The following CSGALNACT1 variants were observed in gnomAD, a reference collection of about 807,000 sequenced individuals.
The protein encoded by CSGALNACT1 is chondroitin sulfate N-acetylgalactosaminyltransferase 1, also known as beta4GalNAcT-1.
In CSGALNACT1, 52 loss-of-function variants were observed where a neutral mutation model predicts 51.0. The ratio of observed to expected loss-of-function variants is 1.02; its 90% CI spans 0.82 to 1.29. CSGALNACT1 has a LOEUF of 1.29. Among genes scored for constraint, CSGALNACT1 ranks in the 50% most tolerant of loss-of-function variants. CSGALNACT1 has a pLI of 0.00. For missense variants in CSGALNACT1, 935 were observed against 679.2 expected, an observed-to-expected ratio of 1.38 and a Z score of -4.19; for synonymous variants, 341 against 254.4, an observed-to-expected ratio of 1.34 and a Z score of -3.24.
At chr8:19,663,502 C>A (rs1427930998) in intron 1 of CSGALNACT1, among the ~76,000 whole-genome samples, 3 of 152,048 alleles carry the variant, frequency 2.0e-5, no homozygotes, top group Non-Finnish European at 2.9e-5. Context: ...GAGGTTCCTA[C>A]AAGCAACTCT....
At chr8:19,424,300 A>G (rs2058438730) in intron 6 of CSGALNACT1, among the ~76,000 whole-genome samples, 1 of 152,120 alleles carries the variant, frequency 6.6e-6, no homozygotes, top group South Asian at 2.1e-4. Context: ...GGTGGCTGCC[A>G]GGTCATTATG....
At chr8:19,537,138 T>A in intron 3 of CSGALNACT1, among the ~76,000 whole-genome samples, 1 of 152,186 alleles carries the variant, frequency 6.6e-6, no homozygotes, top group East Asian at 1.9e-4. Context: ...AATTCTTTCC[T>A]CATGAGTAAG....
intron 1 of CSGALNACT1, among the ~76,000 whole-genome samples, chr8:19,740,879 A>G (rs1589779297): frequency 6.6e-6 from 1 of 152,216 alleles, no homozygotes. Context: ...ATAAGTTAAA[A>G]TGGATGCACA....
intron 1 of CSGALNACT1, among the ~76,000 whole-genome samples, chr8:19,639,120 A>G (rs973323529): frequency 2.0e-5 from 3 of 152,158 alleles, no homozygotes; most frequent in African/African-American, 4.8e-5. Flanking sequence ...AGCCCCTCTA[A>G]AAGTACAAAA....
intron 3 of CSGALNACT1, among the ~76,000 whole-genome samples, chr8:19,576,516 C>A (rs1763681065): frequency 6.6e-6 from 1 of 151,772 alleles, no homozygotes; most frequent in South Asian, 2.1e-4. Context: ...TCACATGAAC[C>A]TGCTGCAGTG....
chr8:19,689,289 G>A (rs920167191), intron 1 of CSGALNACT1, among the ~76,000 whole-genome samples: 3 of 152,096 alleles, frequency 2.0e-5, no homozygotes, highest in Non-Finnish European at 4.4e-5. Context: ...AGCCCATGGC[G>A]TGTTCTACAT....
upstream of CSGALNACT1, chr8:19,682,785 T>C (rs1297858818): frequency 2.2e-6 from 1 of 453,548 alleles, no homozygotes; most frequent in African/African-American, 2.0e-5. Flanking sequence ...TGAGGTCTGG[T>C]TTTAAGCAGC....
chr8:19,463,049 C>T (rs1324673279), intron 4 of CSGALNACT1, among the ~76,000 whole-genome samples: 1 of 152,170 alleles, frequency 6.6e-6, no homozygotes, highest in Non-Finnish European at 1.5e-5. Flanking sequence ...ATGTTTACCT[C>T]CCACTTACAA....
chr8:19,546,996 C>T (rs2086626888), intron 3 of CSGALNACT1, among the ~76,000 whole-genome samples: 1 of 152,212 alleles, frequency 6.6e-6, no homozygotes, highest in South Asian at 2.1e-4. Context: ...TCTAGAAATA[C>T]CTGACAGTGA....
intron 3 of CSGALNACT1, among the ~76,000 whole-genome samples, chr8:19,557,741 G>C (rs115525475): frequency 7.9e-5 from 12 of 152,046 alleles, no homozygotes; most frequent in African/African-American, 2.9e-4. Flanking sequence ...TTTTCTTCTT[G>C]CCACTTCTTC....
In CSGALNACT1 at chr8:19,623,498, A is replaced by G. The variant is rs1256447740; in HGVS notation, c.-543-21633T>C. On this transcript the variant is annotated intron_variant, in intron 1 of 9. Transcript: ENST00000332246. ...TTTTTAAGAATTGAACAATACTATT[A>G]ACACTCTTCAATACTATATCCACCA... is the stretch of plus-strand genomic sequence containing the variant. 3.3e-5 allele frequency among the ~76,000 whole-genome samples: 5 copies of G among 152,324 alleles called. No homozygotes were observed. In the South Asian group the frequency reaches 1.0e-3, roughly 32 times the overall value.
intron 1 of CSGALNACT1, among the ~76,000 whole-genome samples, chr8:19,655,220 A>T (rs1020483613): frequency 6.6e-6 from 1 of 151,920 alleles, no homozygotes; most frequent in East Asian, 1.9e-4. Context: ...CTGCCAAGCT[A>T]CTCTACACTT....
intron 3 of CSGALNACT1, among the ~76,000 whole-genome samples, chr8:19,520,252 G>A (rs985188248): frequency 6.6e-6 from 1 of 152,172 alleles, no homozygotes; most frequent in African/African-American, 2.4e-5. Context: ...ATCAACCAAG[G>A]CTTCTCTCTT....
Position 19,427,574 on chromosome 8 carries a change from G to T in CSGALNACT1, c.954-7056C>A, listed in dbSNP as rs559006169. Among the ~76,000 whole-genome samples the T allele has an allele frequency of 1.5e-4, 23 of 152,192 alleles. No homozygotes were observed. The East Asian group carries it at 4.1e-3, about 27-fold the overall frequency. ...GAGGCCGAGGCGGGCGGATCACGAG[G>T]TCAGGAGATCGAGACCATCCTGGCT... On this transcript the variant is annotated intron_variant, in intron 6 of 9. Coordinates refer to ENST00000454498, the Ensembl canonical transcript of CSGALNACT1.
At chr8:19,679,713 C>T (rs184693090) in intron 1 of CSGALNACT1, among the ~76,000 whole-genome samples, 4 of 152,282 alleles carry the variant, frequency 2.6e-5, no homozygotes, top group Admixed American at 1.3e-4. Flanking sequence ...CACCAGCTAC[C>T]CACAAACAGG....
intron 1 of CSGALNACT1, among the ~76,000 whole-genome samples, chr8:19,674,994 C>T (rs1039470198): frequency 6.6e-6 from 1 of 152,128 alleles, no homozygotes; most frequent in Non-Finnish European, 1.5e-5. Context: ...CATCTTGAGA[C>T]TCAAAGTTGA....
chr8:19,663,545 G>T (rs996816296), intron 1 of CSGALNACT1, among the ~76,000 whole-genome samples: 2 of 152,180 alleles, frequency 1.3e-5, no homozygotes, highest in African/African-American at 4.8e-5. Context: ...TGCTTCCACA[G>T]GGAAGAAACA....
intron 4 of CSGALNACT1, among the ~76,000 whole-genome samples, chr8:19,462,748 C>T (rs1458572941): frequency 3.3e-5 from 5 of 152,168 alleles, no homozygotes; most frequent in Admixed American, 6.5e-5. Flanking sequence ...TTTCTCTATA[C>T]TCTGCTAATT....
intron 1 of CSGALNACT1, among the ~76,000 whole-genome samples, chr8:19,655,565 C>CACATATATGCACATATATAT (rs2058193381): frequency 3.4e-5 from 2 of 59,166 alleles, no homozygotes; most frequent in African/African-American, 9.7e-5. Context: ...TATATACACA[C>CACATATATGCACATATATAT]ACACACACAC....
Sources: gnomAD v4.1 joint callset for allele counts (sites outside exome capture counted in the v4.1 genomes callset) on GRCh38, gnomAD v4.1.1 for gene constraint, MANE v1.5 for transcripts, NCBI Gene and HGNC (gene_info 2026-07-23, HGNC 2026-07-21) for gene names.